Variants in XRCC5 observed in about 807,000 individuals in gnomAD.
The protein encoded by XRCC5 is DNA repair protein Ku80.
A neutral mutation model predicts 95.7 loss-of-function variants in XRCC5; 12 were observed. That is an observed-to-expected ratio of 0.13 (90% CI 0.08 to 0.20). The LOEUF is 0.20. Among genes scored for constraint, XRCC5 ranks in the 10% least tolerant of loss-of-function variants. The probability of loss-of-function intolerance (pLI) is 1.00; values close to 1 mark genes in which losing one functional copy is unlikely to be tolerated. For missense variants in XRCC5, 595 were observed against 873.9 expected (o/e 0.68, Z 4.02); for synonymous variants, 281 against 290.3 (o/e 0.97, Z 0.33).
In XRCC5 at chr2:216,183,479, TTTAA is replaced by T. The variant is rs1391320108; in HGVS notation, c.1835-6743_1835-6740del. On this transcript the variant is annotated intron_variant, in intron 16 of 20. Coordinates refer to ENST00000392132, the MANE Select transcript of XRCC5 (RefSeq NM_021141.4). ...ACTTGTGGAACTTAAATGGTGAGGT[TTTAA>T]TTGAGTTTTTTAGTTATTGGTAAGA... Among the ~76,000 whole-genome samples the T allele has an allele frequency of 2.6e-5, 4 of 152,252 alleles. No individual in the cohort carries two copies. In the South Asian group the frequency reaches 6.2e-4, roughly 24 times the overall value.
intron 14 of XRCC5, chr2:216,156,293 C>CAAAGGCAGG: frequency 1.8e-6 from 1 of 567,832 alleles, no homozygotes; most frequent in Non-Finnish European, 3.4e-6. Context: ...AAGCAGGTTC[C>CAAAGGCAGG]AAAGGCAGGA....
chr2:216,170,147 G>T (rs778367312), intron 16 of XRCC5, among the ~76,000 whole-genome samples: 6 of 150,908 alleles, frequency 4.0e-5, no homozygotes, highest in Non-Finnish European at 7.4e-5. Context: ...TCAAGAGGGG[G>T]TCCATTTCAT....
Position 216,127,671 on chromosome 2 carries a change from C to A in XRCC5, c.934C>A (p.Gln312Lys). The stretch of plus-strand genomic sequence containing the variant: ...TGAAGTTTTAAAAGAGGATATTATT[C>A]AAGGTATGTCAGTAAGAGTTTTCAC... Reference protein sequence around the residue: ...ETEVLKEDIIQGFRYGSDIVP... With the variant: ...ETEVLKEDIIKGFRYGSDIVP... Residue 312 changes from glutamine to lysine, a missense_variant, in exon 8 of 21, where the codon CAA becomes AAA. Coordinates refer to ENST00000392132, the MANE Select transcript of XRCC5 (RefSeq NM_021141.4). 1 of 1,598,130 alleles carries A rather than the reference C, an allele frequency of 6.3e-7. No homozygotes were observed. Among genetic ancestry groups the A allele is most frequent in the Non-Finnish European group, 8.5e-7 (1 of 1,174,890 alleles).
intron 16 of XRCC5, 92 bp downstream of exon 16, chr2:216,162,140 A>G (rs1688965170): frequency 9.6e-6 from 12 of 1,252,978 alleles, no homozygotes; most frequent in Middle Eastern, 1.9e-4. Context: ...TTGTTGTAAC[A>G]CTTTAGCATT....
intron 3 of XRCC5, 123 bp from the exon 4 acceptor site, chr2:216,117,623 A>G: frequency 1.2e-6 from 1 of 867,534 alleles, no homozygotes; most frequent in Non-Finnish European, 1.9e-6. Flanking sequence ...CACTCAGGCA[A>G]GTACTTTAAG....
At chr2:216,145,019 G>A (rs182164054) in intron 13 of XRCC5, among the ~76,000 whole-genome samples, 2 of 152,314 alleles carry the variant, frequency 1.3e-5, no homozygotes, top group East Asian at 1.9e-4. Context: ...GGAAGGAATC[G>A]CAAGTCAGAT....
intron 4 of XRCC5, 125 bp from the exon 5 acceptor site, chr2:216,118,918 T>A: frequency 1.0e-6 from 1 of 1,001,914 alleles, no homozygotes; most frequent in Non-Finnish European, 1.5e-6. Flanking sequence ...ACTACTAGAA[T>A]GTAATCACAT....
chr2:216,181,732 TA>T (rs1167257145), intron 16 of XRCC5, among the ~76,000 whole-genome samples: 1 of 152,204 alleles, frequency 6.6e-6, no homozygotes, highest in African/African-American at 2.4e-5. Context: ...ATTGCGACTT[TA>T]ATAAAACAGT....
chr2:216,146,286 G>A (rs1215367449), intron 13 of XRCC5, among the ~76,000 whole-genome samples: 1 of 152,176 alleles, frequency 6.6e-6, no homozygotes, highest in Non-Finnish European at 1.5e-5. Flanking sequence ...CCTACTTCAG[G>A]GTTTTCGAAA....
rs41414546 is a variant in XRCC5 at position 216,162,067 on chromosome 2, A to G, written c.1834+19A>G. The G allele has an allele frequency of 4.0e-5, 65 of 1,609,710 alleles. No homozygotes were observed. The East Asian group carries it at 6.5e-4, about 16-fold the overall frequency. ...GAGGAAGGTGAGTGGTTGACTTTGC[A>G]TTTAGGAGAAGCTGTTTAGTTAAGC... On this transcript the variant is annotated intron_variant, in intron 16 of 20. Coordinates refer to ENST00000392132, the MANE Select transcript of XRCC5 (RefSeq NM_021141.4).
intron 16 of XRCC5, among the ~76,000 whole-genome samples, chr2:216,163,838 T>C (rs1688999855): frequency 6.6e-6 from 1 of 152,228 alleles, no homozygotes; most frequent in African/African-American, 2.4e-5. Context: ...AGCTTCGTTA[T>C]CACAGTAATC....
chr2:216,159,427 G>C (rs771270120), intron 14 of XRCC5, among the ~76,000 whole-genome samples: 2 of 152,160 alleles, frequency 1.3e-5, no homozygotes, highest in Admixed American at 6.6e-5. Flanking sequence ...GATGCTACTG[G>C]ACTGTTAGCA....
intron 9 of XRCC5, 66 bp downstream of exon 9, chr2:216,131,053 T>C (rs1696986883): frequency 6.8e-7 from 1 of 1,475,254 alleles, no homozygotes; most frequent in Non-Finnish European, 9.3e-7. Context: ...TGCTTTTGAT[T>C]GGTCATTTTA....
chr2:216,187,859 T>TCCCCC (rs776198918), intron 16 of XRCC5, among the ~76,000 whole-genome samples: 2 of 110,508 alleles, frequency 1.8e-5, no homozygotes, highest in African/African-American at 4.5e-5. Flanking sequence ...TCTCTCTCTC[T>TCCCCC]CTCCCCGTCT....
chr2:216,110,149 G>T (rs1407935117), intron 1 of XRCC5, among the ~76,000 whole-genome samples: 1 of 152,168 alleles, frequency 6.6e-6, no homozygotes, highest in African/African-American at 2.4e-5. Context: ...AATCCAAGCT[G>T]TCTGGTTTCA....
At chr2:216,189,359 C>G (rs924839538) in intron 16 of XRCC5, among the ~76,000 whole-genome samples, 1 of 152,220 alleles carries the variant, frequency 6.6e-6, no homozygotes, top group African/African-American at 2.4e-5. Context: ...CATGATTACC[C>G]ACATCTCCCT....
chr2:216,154,611 G>C (rs1688808378), intron 14 of XRCC5, among the ~76,000 whole-genome samples: 1 of 152,136 alleles, frequency 6.6e-6, no homozygotes, highest in African/African-American at 2.4e-5. Flanking sequence ...TCACTGTCTT[G>C]CTTAAAATTC....
chr2:216,128,546 T>C (rs1696931392), intron 8 of XRCC5, among the ~76,000 whole-genome samples: 1 of 152,220 alleles, frequency 6.6e-6, no homozygotes, highest in South Asian at 2.1e-4. Context: ...TTCTGTAGCA[T>C]AGAACATGAA....
At chr2:216,141,853 G>A (rs967849075) in intron 13 of XRCC5, among the ~76,000 whole-genome samples, 1 of 152,036 alleles carries the variant, frequency 6.6e-6, no homozygotes, top group African/African-American at 2.4e-5. Flanking sequence ...AGGAGTTCAA[G>A]ACCAGCCTGG....
Sources: gnomAD v4.1 joint callset for allele counts (sites outside exome capture counted in the v4.1 genomes callset) on GRCh38, gnomAD v4.1.1 for gene constraint, MANE v1.5 for transcripts, NCBI Gene and HGNC (gene_info 2026-07-23, HGNC 2026-07-21) for gene names.